Variants in PDPR observed in about 807,000 individuals in gnomAD.
PDPR encodes pyruvate dehydrogenase phosphatase regulatory subunit.
PDPR carries 50 observed loss-of-function variants against 102.2 expected under a neutral mutation model. The ratio of observed to expected loss-of-function variants is 0.49; its 90% CI spans 0.39 to 0.62. The LOEUF is 0.62. PDPR is among the 20% of genes least tolerant of loss of function. PDPR has a pLI of 0.00. For synonymous variants in PDPR, 259 were observed against 406.0 expected, an observed-to-expected ratio of 0.64 and a Z score of 4.35; for missense variants, 625 against 1,098.2, an observed-to-expected ratio of 0.57 and a Z score of 6.09.
chr16:70,126,621 C>T (rs1208746034), intron 3 of PDPR, among the ~76,000 whole-genome samples: 1 of 152,290 alleles, frequency 6.6e-6, no homozygotes, highest in African/African-American at 2.4e-5. Flanking sequence ...CCTCAGCCTC[C>T]CAAAGTGCTG....
At chr16:70,150,806 C>T (rs1180693184) in intron 17 of PDPR, among the ~76,000 whole-genome samples, 2 of 152,264 alleles carry the variant, frequency 1.3e-5, no homozygotes, top group Non-Finnish European at 2.9e-5. Flanking sequence ...GCCACTACCC[C>T]GACCTTATTT....
At position 70,153,698 on chromosome 16, in the gene PDPR, A is replaced by G. The variant is rs527447305; in HGVS notation, c.2235+125A>G. On this transcript the variant is annotated intron_variant, in intron 18 of 18. Coordinates refer to ENST00000288050, the MANE Select transcript of PDPR (RefSeq NM_017990.5). ...AGATTGAGGCCTTGATGTTAGCATC[A>G]GGTAAATGAGGACAAGAGTGCCCTG... 78 of 1,034,740 alleles carry G rather than the reference A, an allele frequency of 7.5e-5. No homozygotes were observed. In the African/African-American group the frequency reaches 1.1e-3, roughly 14 times the overall value. 64.1% of individuals were successfully genotyped at this position (1,034,740 alleles called of 1,614,324 possible).
Position 70,120,820 on chromosome 16 carries a change from G to A in PDPR, c.227+101G>A, listed in dbSNP as rs1351809470. 3.3e-5 allele frequency: 25 copies of A among 765,730 alleles called. No individual in the cohort carries two copies. The East Asian group carries it at 4.5e-4, about 14-fold the overall frequency. 47.4% of individuals were successfully genotyped at this position (765,730 alleles called of 1,614,324 possible). On this transcript the variant is annotated intron_variant, in intron 3 of 18. Transcript: ENST00000288050. ...TGCCCCACCAGTAGCTAATCTAAAT[G>A]TTGCTAAGTAGCATGAGAAGAAGCA...
chr16:70,152,984 G>T (rs1282164932), intron 17 of PDPR, among the ~76,000 whole-genome samples: 1 of 152,290 alleles, frequency 6.6e-6, no homozygotes, highest in Non-Finnish European at 1.5e-5. Context: ...AGTAACAGTG[G>T]TTGGGAAATT....
intron 3 of PDPR, among the ~76,000 whole-genome samples, chr16:70,126,395 G>A (rs552952379): frequency 5.3e-5 from 8 of 152,216 alleles, no homozygotes; most frequent in Non-Finnish European, 1.0e-4. Context: ...GCGGAGTCTC[G>A]CTCTGTCACC....
At chr16:70,156,401 C>G (rs1426041358) in intron 18 of PDPR, 74 bp from the exon 19 acceptor site, 19 of 1,549,330 alleles carry the variant, frequency 1.2e-5, no homozygotes, top group Non-Finnish European at 1.7e-5. Flanking sequence ...CCAGGGGACC[C>G]TTCCCACGGT....
In PDPR at chr16:70,134,029, G is replaced by A. The variant is rs1226547055; in HGVS notation, c.997+1729G>A. Among the ~76,000 whole-genome samples, 8 of 152,338 alleles carry A rather than the reference G, an allele frequency of 5.3e-5. No homozygotes were observed. The South Asian group carries it at 8.3e-4, about 16-fold the overall frequency. On this transcript the variant is annotated intron_variant, in intron 9 of 18. Transcript: ENST00000288050. Reference sequence around the variant, plus strand: ...ATTACAGACGTGAGCCACCATGCCCGGCCCCTGCTTATTCTTTATTCACCT... The same window carrying A: ...ATTACAGACGTGAGCCACCATGCCCAGCCCCTGCTTATTCTTTATTCACCT...
chr16:70,115,099 G>A (rs1211618295), intron 2 of PDPR, among the ~76,000 whole-genome samples, 169 bp downstream of exon 2: 2 of 152,110 alleles, frequency 1.3e-5, no homozygotes, highest in East Asian at 3.9e-4. Flanking sequence ...TCCAGTGGCA[G>A]GGACTTGTGT....
intron 17 of PDPR, among the ~76,000 whole-genome samples, chr16:70,150,470 A>G (rs1387164353): frequency 3.3e-5 from 5 of 151,872 alleles, no homozygotes; most frequent in Non-Finnish European, 4.4e-5. Context: ...CAATGATTGT[A>G]GGCATGCTTG....
At chr16:70,147,818 T>C in intron 16 of PDPR, 4 of 356,346 alleles carry the variant, frequency 1.1e-5, no homozygotes, top group East Asian at 7.5e-5. Flanking sequence ...CTCCCAGCGT[T>C]TGCTCTGCTG....
Position 70,160,510 on chromosome 16 carries a change from GAC to G in PDPR, c.*3635_*3636del, listed in dbSNP as rs1220594992. The G allele has an allele frequency of 2.6e-5, 4 of 152,796 alleles. No individual in the cohort carries two copies. Among genetic ancestry groups the G allele is most frequent in the Non-Finnish European group, 2.9e-5 (2 of 68,450 alleles). The allele number at this position is 152,796 out of a possible 1,614,324, so 9.5% of individuals were successfully genotyped here. A position where few individuals can be genotyped will look rare whatever the true frequency, so the allele number is the denominator to read the frequency against. On this transcript the variant is annotated 3_prime_UTR_variant, in exon 19 of 19. Transcript: ENST00000288050. ...TTGAAGAGATCTCATTCAGGCCAGA[GAC>G]ACAGAGACCACATAGCCCAGTGATT... is the stretch of plus-strand genomic sequence containing the variant.
In PDPR at chr16:70,156,751, G is replaced by A. The variant is rs759136755; in HGVS notation, c.2512G>A (p.Gly838Arg). The A allele has an allele frequency of 6.2e-7, 1 of 1,614,110 alleles. No individual in the cohort carries two copies. ...QVVTADFINR[G>R]EYEIDIAGYR... ...GGTGACAGCAGATTTCATCAACCGG[G>A]GAGAGTATGAGATTGACATCGCGGG... Residue 838 changes from glycine to arginine, a missense_variant, in exon 19 of 19, where the codon GGA (glycine) becomes AGA (arginine). Transcript: ENST00000288050.
intron 17 of PDPR, among the ~76,000 whole-genome samples, chr16:70,152,702 T>C (rs1242843494): frequency 2.6e-5 from 4 of 152,404 alleles, no homozygotes; most frequent in Admixed American, 2.6e-4. Context: ...AAGCAAACAG[T>C]GTAGTCTCAT....
At chr16:70,144,959 A>AAAAGC (rs1211730076) in intron 15 of PDPR, among the ~76,000 whole-genome samples, 2 of 151,948 alleles carry the variant, frequency 1.3e-5, no homozygotes, top group African/African-American at 2.4e-5. Flanking sequence ...CTCAAAAAAA[A>AAAAGC]AAAGAAAATT....
At chr16:70,133,393 A>G (rs1297494222) in intron 9 of PDPR, among the ~76,000 whole-genome samples, 1 of 146,004 alleles carries the variant, frequency 6.8e-6, no homozygotes, top group Non-Finnish European at 1.5e-5. Flanking sequence ...AAGTGCTGGG[A>G]TTACAGGCAT....
At chr16:70,137,969 AG>A (rs1432879824) in intron 10 of PDPR, among the ~76,000 whole-genome samples, 1 of 151,934 alleles carries the variant, frequency 6.6e-6, no homozygotes, top group African/African-American at 2.4e-5. Context: ...CCTGGGCTCA[AG>A]GGATCATCCC....
chr16:70,125,475 A>G, intron 3 of PDPR, among the ~76,000 whole-genome samples: 1 of 150,886 alleles, frequency 6.6e-6, no homozygotes, highest in Non-Finnish European at 1.5e-5. Context: ...AATAGCTTGA[A>G]CCCAGGAGGC....
chr16:70,149,714 T>C (rs1318968017), intron 17 of PDPR, among the ~76,000 whole-genome samples: 1 of 152,288 alleles, frequency 6.6e-6, no homozygotes, highest in Non-Finnish European at 1.5e-5. Flanking sequence ...ATGTTATTTC[T>C]AGTCTTTTGC....
chr16:70,151,734 T>C (rs959502042), intron 17 of PDPR, among the ~76,000 whole-genome samples: 1 of 152,270 alleles, frequency 6.6e-6, no homozygotes, highest in African/African-American at 2.4e-5. Context: ...TTTTCAAGAG[T>C]CTAAGAGATT....
Sources: gnomAD v4.1 joint callset for allele counts (sites outside exome capture counted in the v4.1 genomes callset) on GRCh38, gnomAD v4.1.1 for gene constraint, MANE v1.5 for transcripts, NCBI Gene and HGNC (gene_info 2026-07-23, HGNC 2026-07-21) for gene names.